Variants in ATF6 observed in about 807,000 individuals in gnomAD.
The protein encoded by ATF6 is activating transcription factor 6.
Under a neutral mutation model 83.6 loss-of-function variants are expected in ATF6, and 53 were observed. That is an observed-to-expected ratio of 0.63 (90% CI 0.51 to 0.80). The LOEUF (loss-of-function observed/expected upper bound fraction) is 0.80. ATF6 is among the 30% of genes least tolerant of loss of function. The pLI is 0.00. For synonymous variants in ATF6, 288 were observed against 285.8 expected, an observed-to-expected ratio of 1.01 and a Z score of -0.08; for missense variants, 744 against 797.9, an observed-to-expected ratio of 0.93 and a Z score of 0.81.
chr1:161,778,199 T>C (rs750516857), intron 1 of ATF6, 45 bp from the exon 2 acceptor site: 12 of 1,516,408 alleles, frequency 7.9e-6, no homozygotes, highest in Admixed American at 6.8e-5. Context: ...CTTTGTCAAA[T>C]AATTGAATTG....
rs59413592 is a variant in ATF6, at chr1:161,943,266, C to T, written c.1805-15180C>T. Among the ~76,000 whole-genome samples the T allele has an allele frequency of 9.7e-3, 1,472 of 152,214 alleles. 31 individuals are homozygous for T. The highest frequency in any genetic ancestry group is 0.034 in the African/African-American group (1,391 of 41,512). ...GCGGTTCTCATGATAGTGAGTCTCA[C>T]GAGATCTGATGGTTTTATAAGCATC... On this transcript the variant is annotated intron_variant, in intron 15 of 15. Transcript: ENST00000367942.
At chr1:161,943,213 A>G (rs997815687) in intron 15 of ATF6, among the ~76,000 whole-genome samples, 1 of 152,132 alleles carries the variant, frequency 6.6e-6, no homozygotes, top group African/African-American at 2.4e-5. Flanking sequence ...GGTGGAGGTA[A>G]TTCGATCATG....
chr1:161,961,892 G>A lies in ATF6; in HGVS notation c.*3238G>A, dbSNP rs1689108538. Reference sequence around the variant, plus strand: ...TGTTAACTACTGAATCAGATGTTAGGAGCTTGTCCCTTTGGGGTTGACTTA... The same window carrying A: ...TGTTAACTACTGAATCAGATGTTAGAAGCTTGTCCCTTTGGGGTTGACTTA... On this transcript the variant is annotated 3_prime_UTR_variant, in exon 16 of 16. Coordinates refer to ENST00000367942, the MANE Select transcript of ATF6 (RefSeq NM_007348.4). 6.6e-6 allele frequency: 1 copy of A among 152,172 alleles called. No homozygotes were observed. Among genetic ancestry groups the A allele is most frequent in the Non-Finnish European group, 1.5e-5 (1 of 68,024 alleles). The allele number at this position is 152,172 out of a possible 1,614,324, so 9.4% of individuals were successfully genotyped here. A position where few individuals can be genotyped will look rare whatever the true frequency, so the allele number is the denominator to read the frequency against.
chr1:161,829,663 T>A (rs1685998679), intron 9 of ATF6, among the ~76,000 whole-genome samples: 1 of 151,990 alleles, frequency 6.6e-6, no homozygotes, highest in African/African-American at 2.4e-5. Flanking sequence ...CACAAATCAA[T>A]AAATGTAATC....
chr1:161,788,102 A>T (rs1482330861), intron 4 of ATF6, among the ~76,000 whole-genome samples: 1 of 152,190 alleles, frequency 6.6e-6, no homozygotes, highest in East Asian at 1.9e-4. Context: ...GGGTAGTAGA[A>T]TGTGCAGGTA....
At chr1:161,894,521 C>CTTTTTTGTTTTTT (rs1687630002) in intron 14 of ATF6, among the ~76,000 whole-genome samples, 1 of 44,850 alleles carries the variant, frequency 2.2e-5, no homozygotes, top group African/African-American at 6.6e-5. Flanking sequence ...GTTTTGTAGT[C>CTTTTTTGTTTTTT]TTTTTTTTTT....
chr1:161,835,012 C>G (rs774932506), intron 9 of ATF6, among the ~76,000 whole-genome samples: 1 of 152,126 alleles, frequency 6.6e-6, no homozygotes, highest in Non-Finnish European at 1.5e-5. Flanking sequence ...GGCACAGTAT[C>G]ACTTCTATGA....
chr1:161,819,720 G>A lies in ATF6; in HGVS notation c.997G>A (p.Gly333Arg). ...CAAGAAGAAGAAAGAATATATGCTA[G>A]GGTTAGAGGCGAGATTAAAGGCTGC... ...SRKKKKEYML[G>R]LEARLKAALS... The change falls in exon 8 of 16, where the codon GGG becomes AGG. Residue 333 changes from glycine to arginine, a missense_variant. Transcript: ENST00000367942. The A allele has an allele frequency of 2.5e-6, 4 of 1,613,180 alleles. No individual in the cohort carries two copies. The highest frequency in any genetic ancestry group is 3.4e-6 in the Non-Finnish European group (4 of 1,179,670).
intron 9 of ATF6, among the ~76,000 whole-genome samples, chr1:161,835,668 G>A (rs993094738): frequency 9.9e-5 from 15 of 152,156 alleles, no homozygotes; most frequent in South Asian, 6.2e-4. Flanking sequence ...AGACACCTCT[G>A]TATAGATAGG....
intron 14 of ATF6, 45 bp downstream of exon 14, chr1:161,863,357 G>T (rs780115877): frequency 2.4e-6 from 3 of 1,260,880 alleles, no homozygotes; most frequent in Non-Finnish European, 3.5e-6. Context: ...TTGAGTGCTT[G>T]CCGTACACAA....
chr1:161,908,701 G>A (rs1195430336), intron 14 of ATF6, among the ~76,000 whole-genome samples: 1 of 152,106 alleles, frequency 6.6e-6, no homozygotes, highest in East Asian at 1.9e-4. Flanking sequence ...TAAAATTAAT[G>A]ACATTGTTTT....
chr1:161,843,037 T>C (rs1304501732), intron 9 of ATF6, among the ~76,000 whole-genome samples: 1 of 152,230 alleles, frequency 6.6e-6, no homozygotes, highest in East Asian at 1.9e-4. Context: ...GTGTGGTAGA[T>C]GGCTGGAGCC....
chr1:161,776,424 C>T (rs1389430020), intron 1 of ATF6, among the ~76,000 whole-genome samples: 1 of 152,008 alleles, frequency 6.6e-6, no homozygotes, highest in South Asian at 2.1e-4. Flanking sequence ...TGTTGCCCTG[C>T]TTCTTTGGAA....
chr1:161,790,249 C>G (rs1379881844), intron 4 of ATF6, among the ~76,000 whole-genome samples: 14 of 151,846 alleles, frequency 9.2e-5, no homozygotes, highest in Non-Finnish European at 2.1e-4. Context: ...GTCTGCAACA[C>G]CCTGAGAGTA....
chr1:161,789,314 C>T (rs1320262953), intron 4 of ATF6, among the ~76,000 whole-genome samples: 1 of 134,522 alleles, frequency 7.4e-6, no homozygotes, highest in Admixed American at 7.8e-5. Flanking sequence ...ACCAGCTTCT[C>T]AGTACCCTCC....
At chr1:161,853,804 T>C (rs1052245955) in intron 12 of ATF6, among the ~76,000 whole-genome samples, 28 of 152,192 alleles carry the variant, frequency 1.8e-4, no homozygotes, top group African/African-American at 6.5e-4. Flanking sequence ...GGGGGTTCCA[T>C]CTCAATGTTG....
chr1:161,769,690 T>A (rs1684340254), intron 1 of ATF6, among the ~76,000 whole-genome samples: 1 of 152,028 alleles, frequency 6.6e-6, no homozygotes, highest in Non-Finnish European at 1.5e-5. Flanking sequence ...TGCAACTAGA[T>A]GGTCTCATCT....
At chr1:161,916,084 T>G (rs146715646) in intron 15 of ATF6, among the ~76,000 whole-genome samples, 3 of 152,322 alleles carry the variant, frequency 2.0e-5, no homozygotes, top group African/African-American at 7.2e-5. Context: ...CTTACCAAGC[T>G]TTTGCCATTT....
intron 2 of ATF6, among the ~76,000 whole-genome samples, chr1:161,779,372 A>G (rs954593063): frequency 2.0e-5 from 3 of 152,254 alleles, no homozygotes; most frequent in Non-Finnish European, 2.9e-5. Context: ...ATTTTATGCA[A>G]ATCACTCAAT....
Sources: allele counts gnomAD v4.1 joint callset (sites outside exome capture counted in the v4.1 genomes callset), GRCh38; gene constraint gnomAD v4.1.1; transcripts MANE v1.5; gene names NCBI Gene and HGNC (gene_info 2026-07-23, HGNC 2026-07-21).